NLRP14: variants seen among roughly 807,000 people sequenced by gnomAD.
The protein encoded by NLRP14 is NLR family pyrin domain containing 14.
In NLRP14, 105 loss-of-function variants were observed where a neutral mutation model predicts 94.7. The ratio of observed to expected loss-of-function variants is 1.11; its 90% CI spans 0.95 to 1.30. NLRP14 has a LOEUF of 1.30. Among genes scored for constraint, NLRP14 ranks in the 50% most tolerant of loss-of-function variants. The pLI is 0.00. For missense variants in NLRP14, 1,362 were observed against 1,254.1 expected (o/e 1.09, Z -1.30); for synonymous variants, 508 against 459.9 (o/e 1.10, Z -1.34).
At chr11:7,089,069 GCGCCGCCT>G in the NLRP14 span, 1 of 1,580,218 alleles carries the variant, frequency 6.3e-7, no homozygotes, top group Non-Finnish European at 8.6e-7. Flanking sequence ...GCTGCGACTG[GCGCCGCCT>G]CACCGCCTCC....
chr11:7,042,094 G>T (rs970908868), intron 3 of NLRP14, among the ~76,000 whole-genome samples: 4 of 151,402 alleles, frequency 2.6e-5, no homozygotes, highest in Admixed American at 2.6e-4. Flanking sequence ...AGAAGGAAAA[G>T]TACAAAGAAG....
intron 1 of NLRP14, among the ~76,000 whole-genome samples, chr11:7,028,975 A>G (rs1437357297): frequency 6.6e-6 from 1 of 152,212 alleles, no homozygotes; most frequent in Non-Finnish European, 1.5e-5. Context: ...CAAACAAAAG[A>G]GTAACTCAAA....
intron 6 of NLRP14, among the ~76,000 whole-genome samples, chr11:7,053,360 A>G (rs1276567147): frequency 6.6e-6 from 1 of 151,640 alleles, no homozygotes. Context: ...TGACCCAGAT[A>G]GTACAAAATA....
At chr11:7,089,958 C>G in the NLRP14 span, 91 of 1,613,108 alleles carry the variant, frequency 5.6e-5, no homozygotes, top group South Asian at 8.3e-4. Context: ...AGGCTCCCAT[C>G]GAGAGCCCTT....
intron 10 of NLRP14, among the ~76,000 whole-genome samples, chr11:7,069,269 T>C (rs1401377643): frequency 6.6e-6 from 1 of 152,218 alleles, no homozygotes; most frequent in African/African-American, 2.4e-5. Context: ...TATCTCTTCA[T>C]CACATAAATG....
the NLRP14 span, among the ~76,000 whole-genome samples, chr11:7,076,621 G>C: frequency 6.6e-6 from 1 of 152,024 alleles, no homozygotes; most frequent in South Asian, 2.1e-4. Flanking sequence ...TCCTCAGAGA[G>C]GTTGAGCACT....
At chr11:7,045,217 G>T (rs746963192) in intron 4 of NLRP14, among the ~76,000 whole-genome samples, 8 of 152,170 alleles carry the variant, frequency 5.3e-5, no homozygotes, top group Non-Finnish European at 1.2e-4. Context: ...TTGGAAAATT[G>T]TGAGTAATCG....
At chr11:7,028,956 G>A (rs1169629550) in intron 1 of NLRP14, among the ~76,000 whole-genome samples, 1 of 152,144 alleles carries the variant, frequency 6.6e-6, no homozygotes, top group East Asian at 1.9e-4. Context: ...TTGGGTGAGA[G>A]TAAAAATACA....
At chr11:7,037,534 A>C (rs1589859382) in intron 1 of NLRP14, among the ~76,000 whole-genome samples, 1 of 152,194 alleles carries the variant, frequency 6.6e-6, no homozygotes, top group African/African-American at 2.4e-5. Context: ...CTATCTCTTC[A>C]GGCAATTCAC....
chr11:7,025,297 G>T lies in NLRP14; in HGVS notation c.-22+4527G>T, dbSNP rs187691993. On this transcript the variant is annotated intron_variant, in intron 1 of 11. Transcript: ENST00000299481. ...CAGTATAGACTAGTAGGATAAAGGG[G>T]CTTCAATACATCAGCCAAAATATCA... 1.1e-3 allele frequency among the ~76,000 whole-genome samples: 169 copies of T among 152,198 alleles called. 2 individuals carry two copies. The South Asian group carries it at 0.013, about 12-fold the overall frequency.
At chr11:7,089,633 C>T in the NLRP14 span, 1 of 1,283,664 alleles carries the variant, frequency 7.8e-7, no homozygotes, top group East Asian at 3.4e-5. Context: ...GCCCGGCTCG[C>T]AGCAGCGGCG....
the NLRP14 span, among the ~76,000 whole-genome samples, chr11:7,079,596 A>G: frequency 6.6e-6 from 1 of 152,354 alleles, no homozygotes; most frequent in East Asian, 1.9e-4. Context: ...TGAAGACCAT[A>G]TATGTTAGAA....
intron 1 of NLRP14, among the ~76,000 whole-genome samples, chr11:7,026,389 A>G (rs1589855115): frequency 6.6e-6 from 1 of 152,258 alleles, no homozygotes; most frequent in East Asian, 1.9e-4. Context: ...TATGCAGCCA[A>G]AAGACACATG....
chr11:7,031,655 C>T (rs574329748), intron 1 of NLRP14, among the ~76,000 whole-genome samples: 35 of 152,292 alleles, frequency 2.3e-4, no homozygotes, highest in Non-Finnish European at 4.3e-4. Context: ...AGGCAAGCCC[C>T]TCGCCTCTCT....
chr11:7,090,123 C>G, the NLRP14 span: 31 of 1,612,396 alleles, frequency 1.9e-5, no homozygotes, highest in African/African-American at 3.7e-4. Flanking sequence ...CCGGAGCGAC[C>G]GCTACTCGAG....
chr11:7,049,931 A>G (rs2119648397), intron 6 of NLRP14, 93 bp downstream of exon 6: 3 of 1,069,838 alleles, frequency 2.8e-6, no homozygotes, highest in African/African-American at 3.1e-5. Context: ...TGCTATTCAT[A>G]GGACCGGCTT....
chr11:7,046,034 C>G lies in NLRP14; in HGVS notation c.1959-634C>G, dbSNP rs1302362899. Among the ~76,000 whole-genome samples, 5 of 152,052 alleles carry G rather than the reference C, an allele frequency of 3.3e-5. No homozygotes were observed. In the South Asian group the frequency reaches 1.0e-3, roughly 32 times the overall value. On this transcript the variant is annotated intron_variant, in intron 4 of 11. Coordinates refer to ENST00000299481, the MANE Select transcript of NLRP14 (RefSeq NM_176822.4). ...CCAGGTTGTCCCCTGTTTTATTACC[C>G]TTTATTTGTTCATGAGTTTATTGAT... is the stretch of plus-strand genomic sequence containing the variant.
the NLRP14 span, among the ~76,000 whole-genome samples, chr11:7,083,426 T>C: frequency 6.6e-6 from 1 of 152,196 alleles, no homozygotes; most frequent in East Asian, 1.9e-4. Context: ...TGATGCAATA[T>C]CTTCTATTCC....
rs144648828 is a variant in NLRP14 at position 7,039,735 on chromosome 11, C to T, written c.311C>T (p.Pro104Leu). Residue 104 changes from proline to leucine, a missense_variant, in exon 3 of 12, where the codon CCA becomes CTA. Coordinates refer to ENST00000299481, the MANE Select transcript of NLRP14 (RefSeq NM_176822.4). Reference sequence around the variant, plus strand: ...GCAGGGTCGGCCCAGACTATAGGACCAGATGATGCCAAGGCTGGAGAGACA... The same window carrying T: ...GCAGGGTCGGCCCAGACTATAGGACTAGATGATGCCAAGGCTGGAGAGACA... ...EINWSAQTIG[P>L]DDAKAGETQE... 1.9e-6 allele frequency: 3 copies of T among 1,613,808 alleles called. No homozygotes were observed. Among genetic ancestry groups the T allele is most frequent in the Non-Finnish European group, 2.5e-6 (3 of 1,179,850 alleles).
Sources: allele counts gnomAD v4.1 joint callset (sites outside exome capture counted in the v4.1 genomes callset), GRCh38; gene constraint gnomAD v4.1.1; transcripts MANE v1.5; gene names NCBI Gene and HGNC (gene_info 2026-07-23, HGNC 2026-07-21).